Variants in TOX observed in about 807,000 individuals in gnomAD.
TOX encodes thymocyte selection-associated high mobility group box protein TOX.
TOX carries 11 observed loss-of-function variants against 53.7 expected under a neutral mutation model. The observed-to-expected ratio is 0.20, with a 90% CI of 0.13 to 0.34. The LOEUF (loss-of-function observed/expected upper bound fraction) is 0.34. Among genes scored for constraint, TOX ranks in the 10% least tolerant of loss-of-function variants. TOX has a pLI of 1.00. For missense variants in TOX, 570 were observed against 664.6 expected, an observed-to-expected ratio of 0.86 and a Z score of 1.56; for synonymous variants, 225 against 245.3, an observed-to-expected ratio of 0.92 and a Z score of 0.77.
At chr8:59,085,636 C>T (rs1371247974) in intron 1 of TOX, among the ~76,000 whole-genome samples, 1 of 152,204 alleles carries the variant, frequency 6.6e-6, no homozygotes, top group African/African-American at 2.4e-5. Context: ...AATCCTCCTG[C>T]CTTGGCCTTC....
chr8:58,913,866 G>C (rs1403843134), intron 3 of TOX, among the ~76,000 whole-genome samples: 1 of 151,988 alleles, frequency 6.6e-6, no homozygotes, highest in South Asian at 2.1e-4. Context: ...AAAAATCACT[G>C]AGTTTTGCTC....
At chr8:58,924,292 A>C (rs1812119267) in intron 3 of TOX, among the ~76,000 whole-genome samples, 1 of 152,206 alleles carries the variant, frequency 6.6e-6, no homozygotes, top group Non-Finnish European at 1.5e-5. Context: ...AGATTTTCAA[A>C]TTGTACAGTA....
chr8:58,945,130 G>A (rs923604615), intron 2 of TOX, among the ~76,000 whole-genome samples: 4 of 152,292 alleles, frequency 2.6e-5, no homozygotes, highest in African/African-American at 9.6e-5. Context: ...AGCTCTGCTG[G>A]TGGGCCTGCA....
intron 1 of TOX, among the ~76,000 whole-genome samples, chr8:59,092,265 T>TTTTATA (rs369108839): frequency 1.6e-4 from 14 of 89,906 alleles, no homozygotes; most frequent in East Asian, 8.0e-4. Flanking sequence ...TATATATATT[T>TTTTATA]TATATATATA....
intron 1 of TOX, among the ~76,000 whole-genome samples, chr8:59,113,820 G>T (rs945636127): frequency 6.6e-6 from 1 of 152,152 alleles, no homozygotes; most frequent in African/African-American, 2.4e-5. Context: ...CTTTAAAACA[G>T]AATAGGAAGA....
chr8:58,844,885 A>G (rs1051480583), intron 4 of TOX, among the ~76,000 whole-genome samples: 1 of 152,180 alleles, frequency 6.6e-6, no homozygotes, highest in African/African-American at 2.4e-5. Flanking sequence ...CGTAAGACAT[A>G]GATTTATTTC....
intron 1 of TOX, among the ~76,000 whole-genome samples, chr8:59,053,648 T>A: frequency 6.6e-6 from 1 of 152,234 alleles, no homozygotes; most frequent in East Asian, 1.9e-4. Flanking sequence ...CAAGAGTCAC[T>A]GCTTCCTTTA....
At chr8:58,908,923 C>G (rs969821324) in intron 3 of TOX, among the ~76,000 whole-genome samples, 2 of 152,166 alleles carry the variant, frequency 1.3e-5, no homozygotes, top group African/African-American at 4.8e-5. Flanking sequence ...TGAAAACTAC[C>G]TACAGCTTTT....
chr8:58,979,317 T>C (rs764078919), intron 1 of TOX, among the ~76,000 whole-genome samples: 1 of 152,230 alleles, frequency 6.6e-6, no homozygotes, highest in Non-Finnish European at 1.5e-5. Context: ...ATTTATATCA[T>C]TTGGATGAAA....
chr8:58,963,178 A>G (rs1161810544), intron 1 of TOX, among the ~76,000 whole-genome samples: 2 of 152,084 alleles, frequency 1.3e-5, no homozygotes, highest in Non-Finnish European at 2.9e-5. Context: ...TCGGTCTGGA[A>G]CTACACCATC....
At chr8:58,990,047 T>C (rs991678435) in intron 1 of TOX, among the ~76,000 whole-genome samples, 5 of 152,216 alleles carry the variant, frequency 3.3e-5, no homozygotes, top group Admixed American at 1.3e-4. Flanking sequence ...CACTTCTAAT[T>C]TAACCAGGCT....
At chr8:59,086,655 A>C (rs1804514305) in intron 1 of TOX, among the ~76,000 whole-genome samples, 1 of 152,242 alleles carries the variant, frequency 6.6e-6, no homozygotes, top group Non-Finnish European at 1.5e-5. Context: ...GTGATACTAA[A>C]TATTCAATAT....
At chr8:58,840,659 C>G (rs535200968) in intron 4 of TOX, among the ~76,000 whole-genome samples, 40 of 152,262 alleles carry the variant, frequency 2.6e-4, no homozygotes, top group African/African-American at 9.4e-4. Context: ...AACAAACAAG[C>G]AAAATTTTTC....
intron 5 of TOX, among the ~76,000 whole-genome samples, chr8:58,828,559 A>C (rs961508398): frequency 6.6e-6 from 1 of 152,130 alleles, no homozygotes; most frequent in African/African-American, 2.4e-5. Context: ...TTACTGAGTT[A>C]ATTATTGGAA....
Position 58,861,874 on chromosome 8 carries a change from A to G in TOX, c.412-10069T>C, listed in dbSNP as rs1364163874. Among the ~76,000 whole-genome samples the G allele has an allele frequency of 2.0e-5, 3 of 152,170 alleles. No individual in the cohort carries two copies. The East Asian group carries it at 5.8e-4, about 29-fold the overall frequency. On this transcript the variant is annotated intron_variant, in intron 3 of 8. Coordinates refer to ENST00000361421, the MANE Select transcript of TOX (RefSeq NM_014729.3). Reference sequence around the variant, plus strand: ...ATTGACTTCCTAACATCAGTTCAGAACATTGATATTTGAGTTCATTTAGAG... The same window carrying G: ...ATTGACTTCCTAACATCAGTTCAGAGCATTGATATTTGAGTTCATTTAGAG...
chr8:59,025,841 C>G (rs1814225860), intron 1 of TOX, among the ~76,000 whole-genome samples: 1 of 152,164 alleles, frequency 6.6e-6, no homozygotes, highest in African/African-American at 2.4e-5. Context: ...GACTGCCTTC[C>G]CCATGTAGGG....
chr8:58,921,678 T>C (rs1315058456), intron 3 of TOX, among the ~76,000 whole-genome samples: 2 of 152,196 alleles, frequency 1.3e-5, no homozygotes, highest in Non-Finnish European at 2.9e-5. Context: ...CCCTACAAAT[T>C]TTGTAAATAC....
chr8:59,116,729 A>G (rs1452698301), intron 1 of TOX, among the ~76,000 whole-genome samples: 1 of 152,210 alleles, frequency 6.6e-6, no homozygotes, highest in East Asian at 1.9e-4. Flanking sequence ...ATTTTAAAAA[A>G]TCTATTATTC....
intron 1 of TOX, among the ~76,000 whole-genome samples, chr8:59,085,792 C>CTAGCATTTTTATTATTATTGTCCA (rs1804496311): frequency 6.6e-6 from 1 of 152,018 alleles, no homozygotes; most frequent in Admixed American, 6.6e-5. Context: ...TCAAATGATC[C>CTAGCATTTTTATTATTATTGTCCA]TAGCATTTTT....
Sources: gnomAD v4.1 joint callset for allele counts (sites outside exome capture counted in the v4.1 genomes callset) on GRCh38, gnomAD v4.1.1 for gene constraint, MANE v1.5 for transcripts, NCBI Gene and HGNC (gene_info 2026-07-23, HGNC 2026-07-21) for gene names.